EYS: variants seen among roughly 807,000 people sequenced by gnomAD.
EYS encodes protein eyes shut homolog.
In EYS, 250 loss-of-function variants were observed where a neutral mutation model predicts 282.1. The observed-to-expected ratio is 0.89, with a 90% confidence interval of 0.80 to 0.98. EYS has a LOEUF of 0.98. Among genes scored for constraint, EYS ranks in the 50% least tolerant of loss-of-function variants. The probability of loss-of-function intolerance (pLI) is 0.00; values close to 1 mark genes in which losing one functional copy is unlikely to be tolerated. For synonymous variants in EYS, 1,355 were observed against 1,282.9 expected (o/e 1.06, Z -1.20); for missense variants, 4,016 against 3,709.0 (o/e 1.08, Z -2.15).
At chr6:65,070,445 TTG>T (rs1412954251) in intron 12 of EYS, among the ~76,000 whole-genome samples, 1 of 151,848 alleles carries the variant, frequency 6.6e-6, no homozygotes. Flanking sequence ...GCACTCACTG[TTG>T]GACTCTACTC....
At chr6:64,522,602 A>G (rs552290637) in intron 26 of EYS, among the ~76,000 whole-genome samples, 5 of 151,878 alleles carry the variant, frequency 3.3e-5, no homozygotes, top group African/African-American at 1.2e-4. Context: ...TCTCAAGCAT[A>G]TGAAATTGGG....
chr6:64,620,293 C>T (rs2149851947), intron 23 of EYS, among the ~76,000 whole-genome samples: 1 of 152,256 alleles, frequency 6.6e-6, no homozygotes, highest in South Asian at 2.1e-4. Flanking sequence ...GGTTGACCAC[C>T]AGGCAGCTGC....
chr6:65,654,002 C>T (rs1442409873), intron 1 of EYS, among the ~76,000 whole-genome samples: 1 of 151,822 alleles, frequency 6.6e-6, no homozygotes. Context: ...TCTGACAGTC[C>T]TTCATACTGA....
intron 5 of EYS, among the ~76,000 whole-genome samples, chr6:65,425,886 T>C (rs1366739769): frequency 6.6e-6 from 1 of 152,042 alleles, no homozygotes; most frequent in Non-Finnish European, 1.5e-5. Context: ...TTTTAGGTGT[T>C]TTTCAGCTGT....
intron 30 of EYS, among the ~76,000 whole-genome samples, chr6:64,237,781 T>G (rs1321033077): frequency 6.6e-6 from 1 of 152,168 alleles, no homozygotes; most frequent in Non-Finnish European, 1.5e-5. Flanking sequence ...CATTGCAAAT[T>G]TTATGAGAGC....
intron 12 of EYS, among the ~76,000 whole-genome samples, chr6:65,189,902 CAA>C (rs1165026951): frequency 5.3e-5 from 8 of 151,644 alleles, no homozygotes; most frequent in Admixed American, 3.3e-4. Context: ...AGCAAAAGAA[CAA>C]AGTCAAAACA....
intron 13 of EYS, among the ~76,000 whole-genome samples, chr6:65,011,438 TG>T (rs1299853042): frequency 6.6e-5 from 10 of 152,256 alleles, no homozygotes; most frequent in African/African-American, 9.6e-5. Context: ...GAGCCCCAAA[TG>T]CAGTCCATGA....
chr6:65,390,041 C>T (rs73741566), intron 7 of EYS, among the ~76,000 whole-genome samples: 1,613 of 151,604 alleles, frequency 0.011, 30 homozygotes, highest in African/African-American at 0.037. Flanking sequence ...AGTGAGTGAA[C>T]TTGAAATACA....
chr6:64,300,955 A>T (rs1769213204), intron 30 of EYS, among the ~76,000 whole-genome samples: 1 of 152,222 alleles, frequency 6.6e-6, no homozygotes, highest in Non-Finnish European at 1.5e-5. Flanking sequence ...GCTCTCTAGT[A>T]GAAAAGAATT....
intron 35 of EYS, among the ~76,000 whole-genome samples, chr6:63,894,964 T>G (rs1581946141): frequency 6.6e-6 from 1 of 152,192 alleles, no homozygotes; most frequent in East Asian, 1.9e-4. Flanking sequence ...GCATCTGATG[T>G]GTCCATGTTG....
chr6:65,619,236 T>C (rs1409314226), intron 2 of EYS, among the ~76,000 whole-genome samples: 3 of 151,432 alleles, frequency 2.0e-5, no homozygotes. Flanking sequence ...CATTGAGCAG[T>C]GGTTTGTAGT....
intron 35 of EYS, among the ~76,000 whole-genome samples, chr6:63,950,385 G>A (rs1378909549): frequency 6.6e-6 from 1 of 151,498 alleles, no homozygotes; most frequent in African/African-American, 2.4e-5. Context: ...CACTGAGCAT[G>A]TTGTGACCCC....
chr6:65,472,512 T>C (rs1021464354), intron 5 of EYS, among the ~76,000 whole-genome samples: 39 of 152,090 alleles, frequency 2.6e-4, no homozygotes, highest in Non-Finnish European at 2.9e-5. Context: ...TTGAATAACA[T>C]GCCTTGAATT....
chr6:65,024,645 ATCAC>A (rs1772346677), intron 13 of EYS, among the ~76,000 whole-genome samples: 3 of 152,148 alleles, frequency 2.0e-5, no homozygotes, highest in African/African-American at 7.2e-5. Flanking sequence ...TTTTTATTCA[ATCAC>A]TAAGTTGCCA....
chr6:64,750,394 A>G (rs1475198047), intron 22 of EYS, among the ~76,000 whole-genome samples: 1 of 145,182 alleles, frequency 6.9e-6, no homozygotes, highest in African/African-American at 2.5e-5. Flanking sequence ...TGAGAGTAGT[A>G]ATTTTACAGC....
chr6:65,113,059 A>T (rs879687570), intron 12 of EYS, among the ~76,000 whole-genome samples: 1 of 152,090 alleles, frequency 6.6e-6, no homozygotes, highest in Non-Finnish European at 1.5e-5. Context: ...TAACTCTCAC[A>T]TTATAAGATT....
At chr6:65,396,981 G>C (rs541737446) in intron 7 of EYS, among the ~76,000 whole-genome samples, 1 of 151,776 alleles carries the variant, frequency 6.6e-6, no homozygotes, top group African/African-American at 2.4e-5. Context: ...TTAGTTGCCA[G>C]TTTATTAGCT....
At position 65,091,452 on chromosome 6, in the gene EYS, G is replaced by T. The variant is rs376093007; in HGVS notation, c.2024-33725C>A. Among the ~76,000 whole-genome samples the T allele has an allele frequency of 1.7e-4, 24 of 144,222 alleles. 1 individual carries two copies. In the South Asian group the frequency reaches 2.0e-3, roughly 12 times the overall value. The allele number at this position is 144,222 out of a possible 152,430, so 94.6% of individuals were successfully genotyped here. A position where few individuals can be genotyped will look rare whatever the true frequency, so the allele number is the denominator to read the frequency against. On this transcript the variant is annotated intron_variant, in intron 12 of 42. Transcript: ENST00000503581. Reference sequence around the variant, plus strand: ...GTGAGAGAGCGAGACTACATCTCAAGAAATAAATAAATAAATAAATAAATA... The same window carrying T: ...GTGAGAGAGCGAGACTACATCTCAATAAATAAATAAATAAATAAATAAATA...
intron 2 of EYS, among the ~76,000 whole-genome samples, chr6:65,504,501 T>A (rs1035205786): frequency 2.0e-5 from 3 of 151,788 alleles, no homozygotes; most frequent in Non-Finnish European, 4.4e-5. Flanking sequence ...AAAGTATCCA[T>A]TTTTCTACAC....
Sources: gnomAD v4.1 joint callset for allele counts (sites outside exome capture counted in the v4.1 genomes callset) on GRCh38, gnomAD v4.1.1 for gene constraint, MANE v1.5 for transcripts, NCBI Gene and HGNC (gene_info 2026-07-23, HGNC 2026-07-21) for gene names.